The following TRAK1 variants were observed in gnomAD, a reference collection of about 807,000 sequenced individuals.
TRAK1 encodes the protein trafficking kinesin-binding protein 1.
A neutral mutation model predicts 92.1 loss-of-function variants in TRAK1; 33 were observed. That is an observed-to-expected ratio of 0.36 (90% CI 0.27 to 0.48). The LOEUF is 0.48. Ranked by LOEUF, TRAK1 falls within the 20% of genes least tolerant of loss-of-function variation. The pLI is 0.99. For synonymous variants in TRAK1, 521 were observed against 517.3 expected, an observed-to-expected ratio of 1.01 and a Z score of -0.10; for missense variants, 1,123 against 1,257.9, an observed-to-expected ratio of 0.89 and a Z score of 1.62.
chr3:42,158,913 C>T (rs1208666341), intron 2 of TRAK1, among the ~76,000 whole-genome samples: 1 of 149,628 alleles, frequency 6.7e-6, no homozygotes, highest in Non-Finnish European at 1.5e-5. Flanking sequence ...GAGCCGAGAT[C>T]GTGCCACTGC....
intron 1 of TRAK1, among the ~76,000 whole-genome samples, chr3:42,122,096 G>A (rs2149125414): frequency 6.6e-6 from 1 of 152,276 alleles, no homozygotes; most frequent in South Asian, 2.1e-4. Flanking sequence ...GGGATTACAG[G>A]TGTGAGCCAC....
intron 1 of TRAK1, among the ~76,000 whole-genome samples, chr3:42,071,413 G>T (rs1219153092): frequency 6.6e-6 from 1 of 152,074 alleles, no homozygotes; most frequent in Non-Finnish European, 1.5e-5. Flanking sequence ...CCTTCCCATA[G>T]ATACCCACTC....
At chr3:42,105,622 C>T (rs1707429240) in intron 1 of TRAK1, among the ~76,000 whole-genome samples, 1 of 152,152 alleles carries the variant, frequency 6.6e-6, no homozygotes, top group African/African-American at 2.4e-5. Context: ...AGAACTTCCC[C>T]AACCTAGCGA....
At chr3:42,014,864 G>A (rs975247945) in intron 1 of TRAK1, among the ~76,000 whole-genome samples, 2 of 151,454 alleles carry the variant, frequency 1.3e-5, no homozygotes, top group Non-Finnish European at 2.9e-5. Flanking sequence ...AAGTGTAAAC[G>A]TTGTCAATAC....
chr3:42,076,684 C>G (rs11713669), intron 1 of TRAK1, among the ~76,000 whole-genome samples: 10,855 of 152,190 alleles, frequency 0.071, 445 homozygotes, highest in Middle Eastern at 0.18. Flanking sequence ...GTTTTAGAGT[C>G]TTTGTCATGA....
chr3:42,166,943 C>G (rs930701722), intron 2 of TRAK1, among the ~76,000 whole-genome samples: 5 of 152,144 alleles, frequency 3.3e-5, no homozygotes, highest in Non-Finnish European at 7.4e-5. Flanking sequence ...ACTACTGTTC[C>G]GGCCACAAGG....
chr3:42,190,590 C>T (rs1414148912), intron 6 of TRAK1, among the ~76,000 whole-genome samples: 1 of 152,132 alleles, frequency 6.6e-6, no homozygotes, highest in Non-Finnish European at 1.5e-5. Context: ...CCCGGGCGCC[C>T]AGCAACTCAC....
intron 1 of TRAK1, among the ~76,000 whole-genome samples, chr3:42,071,864 A>G (rs1196231306): frequency 6.6e-6 from 1 of 152,086 alleles, no homozygotes; most frequent in Non-Finnish European, 1.5e-5. Context: ...CTTCAAAGCA[A>G]TAGCTTTTCA....
intron 1 of TRAK1, among the ~76,000 whole-genome samples, chr3:42,109,419 A>G (rs1708034013): frequency 6.6e-6 from 1 of 152,236 alleles, no homozygotes. Context: ...AGCAGTTAAA[A>G]TAAAATAGAA....
In TRAK1 at chr3:42,160,153, C is replaced by A. The variant is rs537622490; in HGVS notation, c.287-16661C>A. Reference sequence around the variant, plus strand: ...CCTCCAGGCTCATAGGAGCCACCCCCTTCCGGGTCCTGCCCGGGTGATGCT... The same window carrying A: ...CCTCCAGGCTCATAGGAGCCACCCCATTCCGGGTCCTGCCCGGGTGATGCT... On this transcript the variant is annotated intron_variant, in intron 2 of 15. Transcript: ENST00000327628. 2.1e-5 allele frequency: 28 copies of A among 1,313,540 alleles called. No individual in the cohort carries two copies. In the South Asian group the frequency reaches 6.6e-4, roughly 31 times the overall value. 81.4% of individuals were successfully genotyped at this position (1,313,540 alleles called of 1,614,324 possible).
At chr3:42,174,666 C>T (rs1702972657) in intron 2 of TRAK1, among the ~76,000 whole-genome samples, 1 of 147,766 alleles carries the variant, frequency 6.8e-6, no homozygotes, top group Admixed American at 6.8e-5. Context: ...TATATACACA[C>T]AAAATTTTTA....
At chr3:42,075,059 G>A (rs1308300023) in intron 1 of TRAK1, among the ~76,000 whole-genome samples, 5 of 152,092 alleles carry the variant, frequency 3.3e-5, no homozygotes, top group Admixed American at 3.3e-4. Flanking sequence ...TGGCTGCGTA[G>A]CATTCTGTGG....
chr3:42,184,543 A>C, intron 3 of TRAK1, 142 bp from the exon 4 acceptor site: 1 of 845,002 alleles, frequency 1.2e-6, no homozygotes, highest in Non-Finnish European at 1.9e-6. Context: ...AACAGGCATC[A>C]AATGCTAACA....
chr3:42,091,175 C>T (rs888204647), upstream of TRAK1: 1 of 369,916 alleles, frequency 2.7e-6, no homozygotes, highest in Non-Finnish European at 4.8e-6. Flanking sequence ...CACAAAGCCC[C>T]GTTCTCCTTG....
In TRAK1 at chr3:42,146,972, G is replaced by T. The variant is rs558183114; in HGVS notation, c.286+21358G>T. 6.6e-4 allele frequency among the ~76,000 whole-genome samples: 101 copies of T among 152,264 alleles called. 1 individual carries two copies. The highest frequency in any genetic ancestry group is 2.1e-3 in the African/African-American group (89 of 41,532). ...GGAGTTTGTTGTTAACTATTTGCCTGTTTATAAGGCCCATCATCATCTTTT... is the reference window on the plus strand; with the variant it reads ...GGAGTTTGTTGTTAACTATTTGCCTTTTTATAAGGCCCATCATCATCTTTT... On this transcript the variant is annotated intron_variant, in intron 2 of 15. Coordinates refer to ENST00000327628, the MANE Select transcript of TRAK1 (RefSeq NM_001042646.3).
intron 1 of TRAK1, among the ~76,000 whole-genome samples, chr3:42,099,321 G>C (rs1706404008): frequency 6.6e-6 from 1 of 152,118 alleles, no homozygotes. Context: ...TCTCAAGCGA[G>C]CAAGGATTTT....
chr3:42,064,184 G>T (rs1487467176), intron 1 of TRAK1, among the ~76,000 whole-genome samples: 1 of 152,182 alleles, frequency 6.6e-6, no homozygotes, highest in Non-Finnish European at 1.5e-5. Flanking sequence ...CTCGCAGCCA[G>T]GCGGGCGCTG....
At chr3:42,114,112 C>G (rs1708851371) in intron 1 of TRAK1, among the ~76,000 whole-genome samples, 1 of 152,196 alleles carries the variant, frequency 6.6e-6, no homozygotes, top group African/African-American at 2.4e-5. Flanking sequence ...GCTTCTTTCA[C>G]TTAGCATAAT....
rs1332278519 is a variant in TRAK1, at chr3:42,223,808, C to T, written c.*71C>T. The T allele has an allele frequency of 1.3e-6, 2 of 1,499,014 alleles. No homozygotes were observed. The highest frequency in any genetic ancestry group is 9.1e-7 in the Non-Finnish European group (1 of 1,100,406). The allele number at this position is 1,499,014 out of a possible 1,614,324, so 92.9% of individuals were successfully genotyped here. A position where few individuals can be genotyped will look rare whatever the true frequency, so the allele number is the denominator to read the frequency against. On this transcript the variant is annotated 3_prime_UTR_variant, in exon 16 of 16. Coordinates refer to ENST00000327628, the MANE Select transcript of TRAK1 (RefSeq NM_001042646.3). The surrounding 1 kb of genome is among the most constrained non-coding windows in gnomAD (Gnocchi z 6.1). ...TCTCTTGCTCCCACCTCCCTCTCTT[C>T]CCCCCACAGTGCACTCCCTCCCTCT...
Sources: gnomAD v4.1 joint callset for allele counts (sites outside exome capture counted in the v4.1 genomes callset) on GRCh38, gnomAD v4.1.1 for gene constraint, Gnocchi (gnomAD v3.1) non-coding constraint, MANE v1.5 for transcripts, NCBI Gene and HGNC (gene_info 2026-07-23, HGNC 2026-07-21) for gene names.